The following PDE4D variants were observed in gnomAD, a reference collection of about 807,000 sequenced individuals.
The protein encoded by PDE4D is 3',5'-cyclic-AMP phosphodiesterase 4D.
In PDE4D, 24 loss-of-function variants were observed where a neutral mutation model predicts 87.4. The observed-to-expected ratio is 0.27, with a 90% CI of 0.20 to 0.39. The LOEUF is 0.39. Among genes scored for constraint, PDE4D ranks in the 10% least tolerant of loss-of-function variants. The probability of loss-of-function intolerance (pLI) is 1.00; values close to 1 mark genes in which losing one functional copy is unlikely to be tolerated. For missense variants in PDE4D, 714 were observed against 1,041.0 expected, an observed-to-expected ratio of 0.69 and a Z score of 4.32; for synonymous variants, 384 against 383.2, an observed-to-expected ratio of 1.00 and a Z score of -0.02.
At chr5:60,521,639 T>A (rs1751042473) in intron 1 of PDE4D, 1 of 150,902 alleles carries the variant, frequency 6.6e-6, no homozygotes, top group African/African-American at 2.4e-5. Flanking sequence ...AATGAGAAAA[T>A]GAAAGTGAGC....
At chr5:59,483,898 G>T (rs1346554520) in intron 1 of PDE4D, among the ~76,000 whole-genome samples, 1 of 152,136 alleles carries the variant, frequency 6.6e-6, no homozygotes, top group Non-Finnish European at 1.5e-5. Context: ...CCATATTAAA[G>T]CTAATTTTAA....
chr5:59,706,906 T>C lies in PDE4D; in HGVS notation c.455+186262A>G, dbSNP rs1385249122. Reference sequence around the variant, plus strand: ...GGTATCCACATCAGTGATGCTCAATTGCTTTTTATTATGGACAATGAAACC... The same window carrying C: ...GGTATCCACATCAGTGATGCTCAATCGCTTTTTATTATGGACAATGAAACC... On this transcript the variant is annotated intron_variant, in intron 1 of 14. Coordinates refer to ENST00000340635, the MANE Select transcript of PDE4D (RefSeq NM_001104631.2). 3.9e-5 allele frequency among the ~76,000 whole-genome samples: 6 copies of C among 152,316 alleles called. No homozygotes were observed. The East Asian group carries it at 1.2e-3, about 29-fold the overall frequency.
chr5:59,946,799 A>G (rs1399630908), intron 3 of PDE4D, among the ~76,000 whole-genome samples: 1 of 152,196 alleles, frequency 6.6e-6, no homozygotes, highest in Non-Finnish European at 1.5e-5. Context: ...ATTTAAATTA[A>G]TGAGCTATCA....
chr5:60,166,855 A>G (rs540999324), intron 2 of PDE4D, among the ~76,000 whole-genome samples: 2 of 151,982 alleles, frequency 1.3e-5, no homozygotes, highest in Non-Finnish European at 2.9e-5. Flanking sequence ...TTCCTTCAGC[A>G]CTTTTAATAT....
intron 5 of PDE4D, among the ~76,000 whole-genome samples, chr5:59,053,645 G>GTTTTTTTT (rs1338731940): frequency 0.012 from 838 of 68,672 alleles, 42 homozygotes; most frequent in East Asian, 0.074. Context: ...TTTGTTTTTT[G>GTTTTTTTT]TTTTTTTTTG....
rs533010817 is a variant in PDE4D, at chr5:59,116,603, A to T, written c.808+63992T>A. 2.0e-5 allele frequency among the ~76,000 whole-genome samples: 3 copies of T among 152,304 alleles called. No individual in the cohort carries two copies. The South Asian group carries it at 6.2e-4, about 32-fold the overall frequency. On this transcript the variant is annotated intron_variant, in intron 5 of 14. Transcript: ENST00000340635. ...GCAATGTGTGTCGGAAACACCCCTC[A>T]GCATTTTAAGAGGGTCAAAAGGAAG...
chr5:59,682,116 A>G (rs1311734079), intron 1 of PDE4D, among the ~76,000 whole-genome samples: 1 of 152,140 alleles, frequency 6.6e-6, no homozygotes, highest in Non-Finnish European at 1.5e-5. Context: ...CATTAAACCA[A>G]TGAAAACAGC....
At chr5:59,145,034 G>A (rs552545488) in intron 5 of PDE4D, among the ~76,000 whole-genome samples, 6 of 151,974 alleles carry the variant, frequency 3.9e-5, no homozygotes, top group African/African-American at 1.4e-4. Flanking sequence ...GCAGAACATA[G>A]ATTTTTTTTC....
At chr5:60,192,558 C>T (rs1000648792) in intron 1 of PDE4D, among the ~76,000 whole-genome samples, 2 of 151,946 alleles carry the variant, frequency 1.3e-5, no homozygotes, top group Non-Finnish European at 2.9e-5. Context: ...AATATGAGAA[C>T]CTTCATGATG....
intron 1 of PDE4D, among the ~76,000 whole-genome samples, chr5:59,310,221 A>G (rs571801305): frequency 3.3e-5 from 5 of 152,172 alleles, no homozygotes; most frequent in East Asian, 1.9e-4. Flanking sequence ...CTTTTCCCCA[A>G]TAAGTCTACA....
At chr5:59,014,970 A>G (rs866491733) in intron 6 of PDE4D, among the ~76,000 whole-genome samples, 1 of 152,184 alleles carries the variant, frequency 6.6e-6, no homozygotes, top group Non-Finnish European at 1.5e-5. Flanking sequence ...ATAATACCAC[A>G]TGTCTACAAC....
intron 6 of PDE4D, among the ~76,000 whole-genome samples, chr5:59,018,099 A>G (rs186428868): frequency 6.6e-6 from 1 of 152,334 alleles, no homozygotes; most frequent in East Asian, 1.9e-4. Context: ...GAGCTAATAA[A>G]TTGTATTGTG....
chr5:58,978,472 CTAACGAATGCATAGAAAATATA>C lies in PDE4D; in HGVS notation c.1553-1149_1553-1128del, dbSNP rs568982882. ...AAAGCACAGGTATTTGATCTTTTTT[CTAACGAATGCATAGAAAATATA>C]TAACGAATGCATAGAAAATATATTT... is the stretch of plus-strand genomic sequence containing the variant. On this transcript the variant is annotated intron_variant, in intron 11 of 14. Transcript: ENST00000340635. 1.3e-3 allele frequency among the ~76,000 whole-genome samples: 199 copies of C among 152,172 alleles called. 2 individuals are homozygous for C. Among genetic ancestry groups the C allele is most frequent in the African/African-American group, 3.7e-3 (154 of 41,532 alleles).
intron 1 of PDE4D, among the ~76,000 whole-genome samples, chr5:59,680,357 T>C (rs951776854): frequency 2.0e-5 from 3 of 152,140 alleles, no homozygotes; most frequent in Non-Finnish European, 4.4e-5. Context: ...CTCTATACTC[T>C]AGGAAAACAT....
intron 1 of PDE4D, among the ~76,000 whole-genome samples, chr5:60,304,324 G>A (rs1754229452): frequency 2.0e-5 from 3 of 152,198 alleles, no homozygotes; most frequent in Admixed American, 2.0e-4. Flanking sequence ...GGCTTAGTCT[G>A]CAGAGGTAGA....
At chr5:60,215,474 C>A (rs1743757985) in intron 1 of PDE4D, among the ~76,000 whole-genome samples, 1 of 151,972 alleles carries the variant, frequency 6.6e-6, no homozygotes, top group Non-Finnish European at 1.5e-5. Context: ...TCAAGCAAAT[C>A]AAAATTGCAA....
intron 3 of PDE4D, among the ~76,000 whole-genome samples, chr5:59,973,899 T>C (rs1309677882): frequency 6.6e-6 from 1 of 152,156 alleles, no homozygotes; most frequent in African/African-American, 2.4e-5. Context: ...AAAAAAATTG[T>C]GTGCACATAT....
chr5:59,351,839 T>A (rs918164473), intron 1 of PDE4D, among the ~76,000 whole-genome samples: 5 of 152,174 alleles, frequency 3.3e-5, no homozygotes, highest in Non-Finnish European at 7.4e-5. Flanking sequence ...TTACGTGGTG[T>A]TCTGTCTTCA....
intron 5 of PDE4D, among the ~76,000 whole-genome samples, chr5:59,051,865 C>T (rs369308180): frequency 3.3e-5 from 5 of 152,128 alleles, no homozygotes; most frequent in South Asian, 2.1e-4. Context: ...TCTCCACTAA[C>T]GACATTTTAT....
Sources: gnomAD v4.1 joint callset for allele counts (sites outside exome capture counted in the v4.1 genomes callset) on GRCh38, gnomAD v4.1.1 for gene constraint, MANE v1.5 for transcripts, NCBI Gene and HGNC (gene_info 2026-07-23, HGNC 2026-07-21) for gene names.